Variants in DHRS7 observed in about 807,000 individuals in gnomAD.
DHRS7 encodes dehydrogenase/reductase 7, also known as dehydrogenase/reductase SDR family member 7.
Under a neutral mutation model 38.9 loss-of-function variants are expected in DHRS7, and 34 were observed. The observed-to-expected ratio is 0.87, with a 90% CI of 0.66 to 1.16. The LOEUF (loss-of-function observed/expected upper bound fraction) is 1.16. Ranked by LOEUF, DHRS7 falls within the 50% of genes most tolerant of loss-of-function variation. The pLI, the probability that DHRS7 is intolerant of heterozygous loss-of-function variation, is 0.00. For synonymous variants in DHRS7, 158 were observed against 153.1 expected, an observed-to-expected ratio of 1.03 and a Z score of -0.24; for missense variants, 421 against 407.0, an observed-to-expected ratio of 1.03 and a Z score of -0.30.
chr14:60,149,709 G>A, intron 5 of DHRS7, 141 bp from the exon 6 acceptor site: 1 of 644,346 alleles, frequency 1.6e-6, no homozygotes. Flanking sequence ...GGTACTAATG[G>A]GAGTTTATAA....
At chr14:60,165,963 CCA>C (rs912862845), upstream of DHRS7, among the ~76,000 whole-genome samples, 1 of 152,320 alleles carries the variant, frequency 6.6e-6, no homozygotes, top group Non-Finnish European at 1.5e-5. This position sits in a 1 kb window ranked among gnomAD's most constrained non-coding sequence, Gnocchi z 4.6. Flanking sequence ...CTGATTCTGA[CCA>C]CACACAAATT....
At position 60,153,200 on chromosome 14, in the gene DHRS7, AG is replaced by A. The variant is rs367978435; in HGVS notation, c.394-23del. The A allele has an allele frequency of 1.3e-5, 21 of 1,613,356 alleles. No homozygotes were observed. Among genetic ancestry groups the A allele is most frequent in the Middle Eastern group, 1.6e-4 (1 of 6,062 alleles). On this transcript the variant is annotated intron_variant, in intron 3 of 6. Transcript: ENST00000557185. The surrounding 1 kb of genome is among the most constrained non-coding windows in gnomAD (Gnocchi z 4.4). ...CGATCTAGTTAAATAAAATCAGAAA[AG>A]GGGTGTTTGGGGGATGTCTTGTGGA...
At chr14:60,160,745 G>A (rs994970342) in intron 1 of DHRS7, among the ~76,000 whole-genome samples, 24 of 152,088 alleles carry the variant, frequency 1.6e-4, no homozygotes, top group Non-Finnish European at 2.9e-4. Flanking sequence ...CATCATGCCC[G>A]GCTAATTTTT....
rs180804099 is a variant in DHRS7 at position 60,159,239 on chromosome 14, G to C, written c.134-3087C>G. ...GGAAGAAAATCTCAAGCTAAAATCA[G>C]AAAACCAAGTTTCTTAGACAATACA... On this transcript the variant is annotated intron_variant, in intron 1 of 6. Transcript: ENST00000557185. The C allele has an allele frequency of 3.0e-3, 1,144 of 384,064 alleles. 4 individuals are homozygous for C. The highest frequency in any genetic ancestry group is 4.3e-3 in the Non-Finnish European group (832 of 193,934). The allele number at this position is 384,064 out of a possible 1,614,324, so 23.8% of individuals were successfully genotyped here.
At position 60,144,397 on chromosome 14, in the gene DHRS7, G is replaced by A. The variant is rs1169861303; in HGVS notation, c.*569C>T. On this transcript the variant is annotated 3_prime_UTR_variant, in exon 7 of 7. Coordinates refer to ENST00000557185, the MANE Select transcript of DHRS7 (RefSeq NM_016029.4). ...CCCCAAAGCAACAGTATTAAAGGAT[G>A]TGGCCTTTAAGAGGTGACTGAGTAA... The A allele has an allele frequency of 1.3e-5, 2 of 153,184 alleles. No individual in the cohort carries two copies. 9.5% of individuals were successfully genotyped at this position (153,184 alleles called of 1,614,324 possible).
At chr14:60,168,103 A>G (rs1312741756), upstream of DHRS7, among the ~76,000 whole-genome samples, 1 of 152,206 alleles carries the variant, frequency 6.6e-6, no homozygotes, top group African/African-American at 2.4e-5. Context: ...TCTTACCTAG[A>G]GTCTTATTTA....
chr14:60,145,481 G>C lies in DHRS7; in HGVS notation c.973-468C>G, dbSNP rs373225766. ...GCAGATCACCTGAGGTCAGGAGTTA[G>C]AGACCAGCCTGGCAAAACCCCATCT... On this transcript the variant is annotated intron_variant, in intron 6 of 6. Coordinates refer to ENST00000557185, the MANE Select transcript of DHRS7 (RefSeq NM_016029.4). The surrounding 1 kb of genome is among the most constrained non-coding windows in gnomAD (Gnocchi z 4.0). The C allele has an allele frequency of 3.3e-5, 5 of 152,438 alleles. No homozygotes were observed. The East Asian group carries it at 9.6e-4, about 29-fold the overall frequency. 9.4% of individuals were successfully genotyped at this position (152,438 alleles called of 1,614,324 possible). A position where few individuals can be genotyped will look rare whatever the true frequency, so the allele number is the denominator to read the frequency against.
At chr14:60,166,909 C>G (rs1277405892), upstream of DHRS7, among the ~76,000 whole-genome samples, 1 of 152,068 alleles carries the variant, frequency 6.6e-6, no homozygotes, top group Non-Finnish European at 1.5e-5. Flanking sequence ...ATTGAATTCT[C>G]CTTTCCTTGA....
rs1896487707 is a variant in DHRS7, at chr14:60,149,473, A to G, written c.852T>C (p.Val284=). Reference sequence around the variant, plus strand: ...ACAAGAAAGGTTGTTCTGAGATCCAAACTTCTTTCAAATCATTGGCCATGC... The same window carrying G: ...ACAAGAAAGGTTGTTCTGAGATCCAGACTTCTTTCAAATCATTGGCCATGC... ...LISMANDLKE[V]WISEQPFLLV... Residue 284 remains valine, a synonymous_variant, in exon 6 of 7, where the codon GTT becomes GTC. Coordinates refer to ENST00000557185, the MANE Select transcript of DHRS7 (RefSeq NM_016029.4). 1 of 1,614,180 alleles carries G rather than the reference A, an allele frequency of 6.2e-7. No individual in the cohort carries two copies. Among genetic ancestry groups the G allele is most frequent in the Non-Finnish European group, 8.5e-7 (1 of 1,180,024 alleles).
chr14:60,157,709 G>A (rs1896685748), intron 1 of DHRS7, among the ~76,000 whole-genome samples: 2 of 152,026 alleles, frequency 1.3e-5, no homozygotes, highest in Non-Finnish European at 2.9e-5. Context: ...TGGCCTCAGT[G>A]CTTAGCAAAG....
In DHRS7 at chr14:60,150,196, C is replaced by G; in HGVS notation, c.634-9G>C. 8.4e-7 allele frequency: 1 copy of G among 1,187,714 alleles called. No individual in the cohort carries two copies. The highest frequency in any genetic ancestry group is 1.1e-6 in the Non-Finnish European group (1 of 932,828). 73.6% of individuals were successfully genotyped at this position (1,187,714 alleles called of 1,614,324 possible). On this transcript the variant is annotated splice_polypyrimidine_tract_variant and intron_variant, in intron 4 of 6. Coordinates refer to ENST00000557185, the MANE Select transcript of DHRS7 (RefSeq NM_016029.4). ...AGGCCATTAAAAAAACCCTAACAGA[C>G]AAAAAAAAAAAAAAAGGAAAAAGGC...
upstream of DHRS7, chr14:60,169,223 T>C (rs1450379270): frequency 6.7e-6 from 1 of 148,964 alleles, no homozygotes; most frequent in Non-Finnish European, 1.5e-5. Flanking sequence ...CAGTTAAGGC[T>C]TTCTGGAATA....
rs1420631795 is a variant in DHRS7, at chr14:60,148,292, C to A, written c.972+1061G>T. Reference sequence around the variant, plus strand: ...GTTTTATAATTCTTTTTTTATCTGTCAATCCCCATTGATTAATTTCTAAAA... The same window carrying A: ...GTTTTATAATTCTTTTTTTATCTGTAAATCCCCATTGATTAATTTCTAAAA... On this transcript the variant is annotated intron_variant, in intron 6 of 6. Coordinates refer to ENST00000557185, the MANE Select transcript of DHRS7 (RefSeq NM_016029.4). The surrounding 1 kb of genome is among the most constrained non-coding windows in gnomAD (Gnocchi z 4.8). 1.3e-5 allele frequency: 2 copies of A among 152,132 alleles called. No individual in the cohort carries two copies. Among genetic ancestry groups the A allele is most frequent in the Non-Finnish European group, 2.9e-5 (2 of 68,018 alleles). The allele number at this position is 152,132 out of a possible 1,614,324, so 9.4% of individuals were successfully genotyped here. A position where few individuals can be genotyped will look rare whatever the true frequency, so the allele number is the denominator to read the frequency against.
In DHRS7 at chr14:60,149,269, A is replaced by G. The variant is rs766436325; in HGVS notation, c.972+84T>C. 8 of 1,362,744 alleles carry G rather than the reference A, an allele frequency of 5.9e-6. No individual in the cohort carries two copies. In the South Asian group the frequency reaches 9.5e-5, roughly 16 times the overall value. The allele number at this position is 1,362,744 out of a possible 1,614,324, so 84.4% of individuals were successfully genotyped here. The stretch of plus-strand genomic sequence containing the variant: ...CAGACATGAGCCACTGCACCCAGCC[A>G]GAAAGTTTTTTAAACACTGGAAAAT... On this transcript the variant is annotated intron_variant, in intron 6 of 6. Transcript: ENST00000557185.
intron 2 of DHRS7, 67 bp downstream of exon 2, chr14:60,155,932 CA>C: frequency 7.4e-7 from 1 of 1,360,466 alleles, no homozygotes; most frequent in African/African-American, 1.5e-5. Flanking sequence ...CTAAAAGTCC[CA>C]AAACTGTATT....
Position 60,162,815 on chromosome 14 carries a change from T to C in DHRS7, c.133+2362A>G, listed in dbSNP as rs780454955. On this transcript the variant is annotated intron_variant, in intron 1 of 6. Transcript: ENST00000557185. This position sits in a 1 kb window ranked among gnomAD's most constrained non-coding sequence, Gnocchi z 4.5. ...CTGTGAAATGTTAATTCCACAGATA[T>C]ACTGTATATCATTTATGTACTGTAC... is the stretch of plus-strand genomic sequence containing the variant. 6.6e-6 allele frequency among the ~76,000 whole-genome samples: 1 copy of C among 152,210 alleles called. No individual in the cohort carries two copies. The highest frequency in any genetic ancestry group is 1.5e-5 in the Non-Finnish European group (1 of 68,042).
rs1896603005 is a variant in DHRS7, at chr14:60,153,940, A to C, written c.393+19T>G. On this transcript the variant is annotated intron_variant, in intron 3 of 6. Transcript: ENST00000557185. This position sits in a 1 kb window ranked among gnomAD's most constrained non-coding sequence, Gnocchi z 4.4. ...AGTTACTTCAAAGCAAGACTATATC[A>C]ATATAAGATGCTACTTACTCTACCA... 1.3e-6 allele frequency: 2 copies of C among 1,599,544 alleles called. No homozygotes were observed. The highest frequency in any genetic ancestry group is 8.6e-7 in the Non-Finnish European group (1 of 1,166,892).
At chr14:60,165,438 A>G (rs1896853338), upstream of DHRS7, 1 of 1,390,622 alleles carries the variant, frequency 7.2e-7, no homozygotes, top group Non-Finnish European at 9.3e-7. The surrounding 1 kb of genome is among the most constrained non-coding windows in gnomAD (Gnocchi z 4.6). Flanking sequence ...CCGCCCAGGG[A>G]GCAGGCCGGG....
At chr14:60,155,978 C>A in intron 2 of DHRS7, 22 bp downstream of exon 2, 3 of 1,503,590 alleles carry the variant, frequency 2.0e-6, no homozygotes, top group Non-Finnish European at 2.7e-6. Context: ...GGAAGCACCG[C>A]TGCTATTTCA....
Sources: allele counts gnomAD v4.1 joint callset (sites outside exome capture counted in the v4.1 genomes callset), GRCh38; gene constraint gnomAD v4.1.1; non-coding constraint Gnocchi (gnomAD v3.1); transcripts MANE v1.5; gene names NCBI Gene and HGNC (gene_info 2026-07-23, HGNC 2026-07-21).